The following POMC variants were observed in gnomAD, a reference collection of about 807,000 sequenced individuals.
The protein encoded by POMC is pro-opiomelanocortin.
In POMC, 19 loss-of-function variants were observed where a neutral mutation model predicts 18.5. That is an observed-to-expected ratio of 1.03 (90% CI 0.72 to 1.51). POMC has a LOEUF of 1.51. Ranked by LOEUF, POMC falls within the 40% of genes most tolerant of loss-of-function variation. The probability of loss-of-function intolerance (pLI) is 0.00; values close to 1 mark genes in which losing one functional copy is unlikely to be tolerated. For synonymous variants in POMC, 179 were observed against 161.9 expected (o/e 1.11, Z -0.80); for missense variants, 451 against 379.0 (o/e 1.19, Z -1.58).
chr2:25,161,160 G>A lies in POMC; in HGVS notation c.725C>T (p.Thr242Ile). 1 of 1,613,892 alleles carries A rather than the reference G, an allele frequency of 6.2e-7. No individual in the cohort carries two copies. Among genetic ancestry groups the A allele is most frequent in the Non-Finnish European group, 8.5e-7 (1 of 1,179,970 alleles). The part of the protein sequence containing the change: ...PKDKRYGGFM[T>I]SEKSQTPLVT... ...CAGGGGCGTCTGGCTCTTCTCGGAG[G>A]TCATGAAACCGCCGTAGCGCTTGTC... Residue 242 changes from threonine to isoleucine, a missense_variant, in exon 3 of 3, where the codon ACC (threonine) becomes ATC (isoleucine). Thr to Ile is a moderately conservative substitution (Grantham distance 89, BLOSUM62 -1). Transcript: ENST00000395826. This position sits in a 1 kb window ranked among gnomAD's most constrained non-coding sequence, Gnocchi z 5.7.
In POMC at chr2:25,168,284, C is replaced by T. The variant is rs538933553; in HGVS notation, c.-21+214G>A. Among the ~76,000 whole-genome samples the T allele has an allele frequency of 6.6e-6, 1 of 152,210 alleles. No individual in the cohort carries two copies. Among genetic ancestry groups the T allele is most frequent in the African/African-American group, 2.4e-5 (1 of 41,460 alleles). On this transcript the variant is annotated intron_variant, in intron 1 of 2. Coordinates refer to ENST00000395826, the MANE Select transcript of POMC (RefSeq NM_000939.4). This position sits in a 1 kb window ranked among gnomAD's most constrained non-coding sequence, Gnocchi z 5.2. ...GAGACAGCGCCTGCAGCTTCGCGGC[C>T]GTCCGCCCAGGGGCCGGACGTGGGC... is the stretch of plus-strand genomic sequence containing the variant.
chr2:25,161,833 C>A lies in POMC; in HGVS notation c.133-81G>T. Reference sequence around the variant, plus strand: ...TGCCGCGCCCGTCACTGCGCCTAGGCCCTGGCCGCCCTCGCCACGTGCCGA... The same window carrying A: ...TGCCGCGCCCGTCACTGCGCCTAGGACCTGGCCGCCCTCGCCACGTGCCGA... On this transcript the variant is annotated intron_variant, in intron 2 of 2. Coordinates refer to ENST00000395826, the MANE Select transcript of POMC (RefSeq NM_000939.4). The surrounding 1 kb of genome is among the most constrained non-coding windows in gnomAD (Gnocchi z 5.7). 6.8e-7 allele frequency: 1 copy of A among 1,476,100 alleles called. No individual in the cohort carries two copies. The highest frequency in any genetic ancestry group is 2.5e-5 in the East Asian group (1 of 39,936). 91.4% of individuals were successfully genotyped at this position (1,476,100 alleles called of 1,614,324 possible).
chr2:25,161,920 C>T lies in POMC; in HGVS notation c.133-168G>A, dbSNP rs759480244. ...AGGCCTCCCTACAGAGCAGGTCTGC[C>T]CACCTGCTTTCTTGGCACTCGTGGG... On this transcript the variant is annotated intron_variant, in intron 2 of 2. Coordinates refer to ENST00000395826, the MANE Select transcript of POMC (RefSeq NM_000939.4). This position sits in a 1 kb window ranked among gnomAD's most constrained non-coding sequence, Gnocchi z 5.7. Among the ~76,000 whole-genome samples, 1 of 152,186 alleles carries T rather than the reference C, an allele frequency of 6.6e-6. No individual in the cohort carries two copies. Among genetic ancestry groups the T allele is most frequent in the Non-Finnish European group, 1.5e-5 (1 of 68,030 alleles).
At chr2:25,166,761 C>T (rs1031028249) in intron 1 of POMC, among the ~76,000 whole-genome samples, 1 of 152,184 alleles carries the variant, frequency 6.6e-6, no homozygotes, top group Non-Finnish European at 1.5e-5. Flanking sequence ...GGTTAGATGG[C>T]TGCTATTGCT....
chr2:25,161,766 C>T lies in POMC; in HGVS notation c.133-14G>A. The T allele has an allele frequency of 6.3e-7, 1 of 1,583,310 alleles. No individual in the cohort carries two copies. Among genetic ancestry groups the T allele is most frequent in the South Asian group, 1.2e-5 (1 of 86,756 alleles). On this transcript the variant is annotated splice_polypyrimidine_tract_variant and intron_variant, in intron 2 of 2. Transcript: ENST00000395826. The surrounding 1 kb of genome is among the most constrained non-coding windows in gnomAD (Gnocchi z 5.7). ...CCGGATGCACTCCTGGGGGAAGACGCGAGGGCATGAGGGCAGCCCGTGCCC... is the reference window on the plus strand; with the variant it reads ...CCGGATGCACTCCTGGGGGAAGACGTGAGGGCATGAGGGCAGCCCGTGCCC...
In POMC at chr2:25,161,221, T is replaced by G. The variant is rs1433166507; in HGVS notation, c.664A>C (p.Arg222=). The change falls in exon 3 of 3, where the codon AGG becomes CGG. Residue 222 remains arginine, a synonymous_variant. Transcript: ENST00000395826. The surrounding 1 kb of genome is among the most constrained non-coding windows in gnomAD (Gnocchi z 5.7). ...CTGCCCCAGCGGAAGTGCTCCATCC[T>G]GTAGGGGCCCTCGTCCTTCTTCTCG... The part of the protein sequence containing the change: ...AAEKKDEGPY[R]MEHFRWGSPP... The G allele has an allele frequency of 3.1e-6, 5 of 1,611,662 alleles. No individual in the cohort carries two copies. The East Asian group carries it at 6.7e-5, about 22-fold the overall frequency.
At chr2:25,162,261 C>T (rs1671418566) in intron 2 of POMC, among the ~76,000 whole-genome samples, 1 of 152,126 alleles carries the variant, frequency 6.6e-6, no homozygotes, top group Admixed American at 6.6e-5. Flanking sequence ...CCAGCCTGGC[C>T]AACTATGGTG....
rs201981936 is a variant in POMC, at chr2:25,164,653, T to G, written c.120A>C (p.Glu40Asp). 1 of 1,614,084 alleles carries G rather than the reference T, an allele frequency of 6.2e-7. No individual in the cohort carries two copies. The highest frequency in any genetic ancestry group is 1.7e-5 in the Admixed American group (1 of 60,016). Residue 40 changes from glutamate to aspartate, a missense_variant, in exon 2 of 3, where the codon GAA becomes GAC. Glu to Asp is a conservative substitution (Grantham distance 45). Coordinates refer to ENST00000395826, the MANE Select transcript of POMC (RefSeq NM_000939.4). ...ESSQCQDLTT[E>D]SNLLECIRAC... Reference sequence around the variant, plus strand: ...ATGGCCCACGTACCAGCAGGTTGCTTTCCGTGGTGAGGTCCTGACACTGGC... The same window carrying G: ...ATGGCCCACGTACCAGCAGGTTGCTGTCCGTGGTGAGGTCCTGACACTGGC...
In POMC at chr2:25,161,586, G is replaced by C. The variant is rs754983656; in HGVS notation, c.299C>G (p.Ala100Gly). 8 of 1,490,262 alleles carry C rather than the reference G, an allele frequency of 5.4e-6. No individual in the cohort carries two copies. The Admixed American group carries it at 5.9e-5, about 11-fold the overall frequency. The allele number at this position is 1,490,262 out of a possible 1,614,324, so 92.3% of individuals were successfully genotyped here. The part of the protein sequence containing the change: ...RNSSSSGSSG[A>G]GQKREDVSAG... ...TGAGACGTCCTCGCGCTTCTGCCCT[G>C]CGCCGCTGCTGCCGCTGCTGCTGCT... The change falls in exon 3 of 3, where the codon GCA (alanine) becomes GGA (glycine). Residue 100 changes from alanine to glycine, a missense_variant. Transcript: ENST00000395826. The surrounding 1 kb of genome is among the most constrained non-coding windows in gnomAD (Gnocchi z 5.7).
In POMC at chr2:25,168,236, G is replaced by T. The variant is rs1027500059; in HGVS notation, c.-21+262C>A. Among the ~76,000 whole-genome samples the T allele has an allele frequency of 6.6e-6, 1 of 152,182 alleles. No homozygotes were observed. The highest frequency in any genetic ancestry group is 2.4e-5 in the African/African-American group (1 of 41,444). On this transcript the variant is annotated intron_variant, in intron 1 of 2. Transcript: ENST00000395826. This position sits in a 1 kb window ranked among gnomAD's most constrained non-coding sequence, Gnocchi z 5.2. Reference sequence around the variant, plus strand: ...TCCGGACCGCCGCGAGCCCCTGGGGGAGAGGAGGCCGCCGGCTCCCTGGAG... The same window carrying T: ...TCCGGACCGCCGCGAGCCCCTGGGGTAGAGGAGGCCGCCGGCTCCCTGGAG...
chr2:25,161,270 C>T lies in POMC; in HGVS notation c.615G>A (p.Leu205=). The stretch of plus-strand genomic sequence containing the variant: ...CGGCCGCCACCAGCAGGCTGTGCTC[C>T]AGGTCGGCCTGGGCCCCTGCGCCGT... The part of the protein sequence containing the change: ...ADDGAGAQAD[L]EHSLLVAAEK... The change falls in exon 3 of 3, where the codon CTG becomes CTA. Residue 205 remains leucine, a synonymous_variant. Transcript: ENST00000395826. The surrounding 1 kb of genome is among the most constrained non-coding windows in gnomAD (Gnocchi z 5.7). 2 of 1,611,816 alleles carry T rather than the reference C, an allele frequency of 1.2e-6. No homozygotes were observed. Among genetic ancestry groups the T allele is most frequent in the African/African-American group, 1.3e-5 (1 of 74,968 alleles).
chr2:25,164,895 G>A, intron 1 of POMC, 103 bp from the exon 2 acceptor site: 8 of 1,312,870 alleles, frequency 6.1e-6, no homozygotes, highest in Non-Finnish European at 7.5e-6. Context: ...ACACTCTCTT[G>A]TGGAGTTAAA....
rs914337816 is a variant in POMC, at chr2:25,161,393, G to C, written c.492C>G (p.Ala164=). Residue 164 remains alanine (A), a synonymous_variant, in exon 3 of 3, where the codon GCC becomes GCG. Coordinates refer to ENST00000395826, the MANE Select transcript of POMC (RefSeq NM_000939.4). This position sits in a 1 kb window ranked among gnomAD's most constrained non-coding sequence, Gnocchi z 5.7. ...GGAAGGCCTCGGCCGACTCGTCCTC[G>C]GCGCCGTTAGGGTACACCTTCACTG... ...RRPVKVYPNG[A]EDESAEAFPL... is the part of the protein sequence containing the mutation. 6.2e-7 allele frequency: 1 copy of C among 1,608,654 alleles called. No homozygotes were observed. The highest frequency in any genetic ancestry group is 1.3e-5 in the African/African-American group (1 of 74,834).
Position 25,161,738 on chromosome 2 carries a change from G to C in POMC, c.147C>G (p.Ala49=). 1 of 1,594,596 alleles carries C rather than the reference G, an allele frequency of 6.3e-7. No homozygotes were observed. The highest frequency in any genetic ancestry group is 1.1e-5 in the South Asian group (1 of 87,842). ...TCTCGGCCGAGAGGTCGGGCTTGCA[G>C]GCCCGGATGCACTCCTGGGGGAAGA... ...TESNLLECIR[A]CKPDLSAETP... The change falls in exon 3 of 3, where the codon GCC becomes GCG. Residue 49 remains alanine, a synonymous_variant. Coordinates refer to ENST00000395826, the MANE Select transcript of POMC (RefSeq NM_000939.4). The surrounding 1 kb of genome is among the most constrained non-coding windows in gnomAD (Gnocchi z 5.7).
chr2:25,161,780 C>T lies in POMC; in HGVS notation c.133-28G>A. On this transcript the variant is annotated intron_variant, in intron 2 of 2. Transcript: ENST00000395826. This position sits in a 1 kb window ranked among gnomAD's most constrained non-coding sequence, Gnocchi z 5.7. Reference sequence around the variant, plus strand: ...GGGGGAAGACGCGAGGGCATGAGGGCAGCCCGTGCCCCGCACCCCGGCCCG... The same window carrying T: ...GGGGGAAGACGCGAGGGCATGAGGGTAGCCCGTGCCCCGCACCCCGGCCCG... 6.4e-7 allele frequency: 1 copy of T among 1,567,626 alleles called. No homozygotes were observed. Among genetic ancestry groups the T allele is most frequent in the African/African-American group, 1.4e-5 (1 of 73,454 alleles).
Position 25,164,656 on chromosome 2 carries a change from C to T in POMC, c.117G>A (p.Thr39=), listed in dbSNP as rs142715775. 1.5e-5 allele frequency: 24 copies of T among 1,613,990 alleles called. No individual in the cohort carries two copies. The highest frequency in any genetic ancestry group is 2.7e-5 in the African/African-American group (2 of 74,928). ...GCCCACGTACCAGCAGGTTGCTTTCCGTGGTGAGGTCCTGACACTGGCTGC... is the reference window on the plus strand; with the variant it reads ...GCCCACGTACCAGCAGGTTGCTTTCTGTGGTGAGGTCCTGACACTGGCTGC... ...LESSQCQDLT[T]ESNLLECIRA... The change falls in exon 2 of 3, where the codon ACG becomes ACA. Residue 39 remains threonine, a synonymous_variant. Coordinates refer to ENST00000395826, the MANE Select transcript of POMC (RefSeq NM_000939.4).
In POMC at chr2:25,161,010, G is replaced by A. The variant is rs1671326647; in HGVS notation, c.*71C>T. 40 of 1,605,454 alleles carry A rather than the reference G, an allele frequency of 2.5e-5. No homozygotes were observed. The highest frequency in any genetic ancestry group is 3.4e-5 in the Non-Finnish European group (40 of 1,176,564). On this transcript the variant is annotated 3_prime_UTR_variant, in exon 3 of 3. Coordinates refer to ENST00000395826, the MANE Select transcript of POMC (RefSeq NM_000939.4). The surrounding 1 kb of genome is among the most constrained non-coding windows in gnomAD (Gnocchi z 5.7). ...CCCCCCAGGCTGGGAGGCGGCAGCAGGGCAGGGGAGAGCAAGGGGCTTTGG... is the reference window on the plus strand; with the variant it reads ...CCCCCCAGGCTGGGAGGCGGCAGCAAGGCAGGGGAGAGCAAGGGGCTTTGG...
chr2:25,162,397 C>G (rs1361784475), intron 2 of POMC, among the ~76,000 whole-genome samples: 1 of 151,936 alleles, frequency 6.6e-6, no homozygotes, highest in South Asian at 2.1e-4. Flanking sequence ...TTGCAGTGAG[C>G]CAAGATCACA....
Position 25,161,731 on chromosome 2 carries a change from G to C in POMC, c.154C>G (p.Pro52Ala). The C allele has an allele frequency of 6.3e-7, 1 of 1,594,688 alleles. No individual in the cohort carries two copies. Among genetic ancestry groups the C allele is most frequent in the African/African-American group, 1.3e-5 (1 of 74,454 alleles). Residue 52 changes from proline to alanine, a missense_variant, in exon 3 of 3, where the codon CCC becomes GCC. Physicochemically the swap from Pro to Ala is conservative, Grantham distance 27 (BLOSUM62 -1). Coordinates refer to ENST00000395826, the MANE Select transcript of POMC (RefSeq NM_000939.4). This position sits in a 1 kb window ranked among gnomAD's most constrained non-coding sequence, Gnocchi z 5.7. ...ATGGGAGTCTCGGCCGAGAGGTCGG[G>C]CTTGCAGGCCCGGATGCACTCCTGG... ...NLLECIRACK[P>A]DLSAETPMFP...
Sources: gnomAD v4.1 joint callset for allele counts (sites outside exome capture counted in the v4.1 genomes callset) on GRCh38, gnomAD v4.1.1 for gene constraint, Gnocchi (gnomAD v3.1) non-coding constraint, MANE v1.5 for transcripts, NCBI Gene and HGNC (gene_info 2026-07-23, HGNC 2026-07-21) for gene names.